The following FBXO25 variants were observed in gnomAD, a reference collection of about 807,000 sequenced individuals.
FBXO25 encodes F-box protein 25.
FBXO25 carries 45 observed loss-of-function variants against 51.9 expected under a neutral mutation model. The ratio of observed to expected loss-of-function variants is 0.87; its 90% confidence interval spans 0.68 to 1.11. The LOEUF (loss-of-function observed/expected upper bound fraction) is 1.11. Ranked by LOEUF, FBXO25 falls within the 50% of genes most tolerant of loss-of-function variation. The pLI is 0.00. For synonymous variants in FBXO25, 199 were observed against 151.0 expected, an observed-to-expected ratio of 1.32 and a Z score of -2.33; for missense variants, 507 against 428.5, an observed-to-expected ratio of 1.18 and a Z score of -1.62.
intron 5 of FBXO25, among the ~76,000 whole-genome samples, chr8:441,962 C>T (rs1331017954): frequency 6.6e-6 from 1 of 152,162 alleles, no homozygotes; most frequent in East Asian, 1.9e-4. Context: ...CCTCAAGGAT[C>T]TAGAACCAGA....
chr8:463,747 A>ACC (rs1782522914), intron 9 of FBXO25, among the ~76,000 whole-genome samples: 1 of 152,018 alleles, frequency 6.6e-6, no homozygotes, highest in Admixed American at 6.5e-5. Context: ...TCCTGTTCTC[A>ACC]CCATCCAGAC....
chr8:458,483 T>C lies in FBXO25; in HGVS notation c.775T>C (p.Leu259=). 1.2e-6 allele frequency: 2 copies of C among 1,614,116 alleles called. No homozygotes were observed. The highest frequency in any genetic ancestry group is 1.7e-6 in the Non-Finnish European group (2 of 1,180,004). The change falls in exon 8 of 10, where the codon TTG becomes CTG. Residue 259 remains leucine (L), a synonymous_variant. Coordinates refer to ENST00000350302, the MANE Select transcript of FBXO25 (RefSeq NM_183420.2). ...CACCTTAGGCCAGGTGACCCCCACG[T>C]TGTATATGCTTAGTGAAGACAGACA... ...IITLGQVTPT[L]YMLSEDRQLW...
chr8:432,676 G>A (rs1797884743), intron 3 of FBXO25, among the ~76,000 whole-genome samples: 1 of 152,102 alleles, frequency 6.6e-6, no homozygotes, highest in African/African-American at 2.4e-5. Context: ...AAGTTACTAG[G>A]ACTTGGTACT....
intron 2 of FBXO25, among the ~76,000 whole-genome samples, chr8:417,093 C>G (rs775228475): frequency 9.2e-5 from 14 of 152,198 alleles, no homozygotes; most frequent in Non-Finnish European, 1.6e-4. Context: ...CTGGCATATT[C>G]AGGGACAGCA....
chr8:424,098 C>G (rs147955049), intron 2 of FBXO25, among the ~76,000 whole-genome samples: 6,703 of 150,614 alleles, frequency 0.045, 197 homozygotes, highest in Middle Eastern at 0.082. Flanking sequence ...TTGAGAAGTG[C>G]CTGTTCATGT....
Position 472,752 on chromosome 8 carries a change from T to G in FBXO25, c.*3948T>G, listed in dbSNP as rs1477631312. The G allele has an allele frequency of 6.6e-6, 1 of 152,214 alleles. No individual in the cohort carries two copies. Among genetic ancestry groups the G allele is most frequent in the East Asian group, 1.9e-4 (1 of 5,200 alleles). The allele number at this position is 152,214 out of a possible 1,614,324, so 9.4% of individuals were successfully genotyped here. ...AGATGCCTTTTAATGGTTTTTCTTT[T>G]CATTGCGAAGGCCTAACTTAGTAGA... On this transcript the variant is annotated 3_prime_UTR_variant, in exon 10 of 10. Transcript: ENST00000350302.
chr8:422,067 G>C (rs1056747546), intron 2 of FBXO25, among the ~76,000 whole-genome samples: 2 of 152,192 alleles, frequency 1.3e-5, no homozygotes, highest in Non-Finnish European at 2.9e-5. Flanking sequence ...CATGATAATT[G>C]TTATAAGCAC....
At chr8:458,256 C>G (rs1238311278) in intron 7 of FBXO25, 113 bp from the exon 8 acceptor site, 1 of 1,214,982 alleles carries the variant, frequency 8.2e-7, no homozygotes. Context: ...ACATGGAGAG[C>G]TCTTTTTGTG....
chr8:438,825 G>T (rs547131815), intron 5 of FBXO25, among the ~76,000 whole-genome samples: 1 of 152,318 alleles, frequency 6.6e-6, no homozygotes, highest in East Asian at 1.9e-4. Flanking sequence ...AGCCTACCTG[G>T]CTGGGACCTT....
intron 5 of FBXO25, among the ~76,000 whole-genome samples, chr8:442,766 A>C (rs1195936148): frequency 6.6e-6 from 1 of 152,154 alleles, no homozygotes; most frequent in Non-Finnish European, 1.5e-5. Flanking sequence ...CACCCTGCCC[A>C]GCCTATTTCC....
chr8:427,151 A>G (rs1171389937), intron 2 of FBXO25, among the ~76,000 whole-genome samples: 3 of 151,964 alleles, frequency 2.0e-5, no homozygotes, highest in Admixed American at 2.0e-4. Flanking sequence ...TGATGAACAC[A>G]GTGTGACTTA....
intron 7 of FBXO25, among the ~76,000 whole-genome samples, chr8:457,413 C>A (rs1028580746): frequency 3.9e-5 from 6 of 152,194 alleles, no homozygotes; most frequent in Non-Finnish European, 8.8e-5. Context: ...GGACAGCCAC[C>A]CTTCCTCAGC....
intron 3 of FBXO25, among the ~76,000 whole-genome samples, chr8:432,237 G>T (rs1255958537): frequency 6.6e-6 from 1 of 152,194 alleles, no homozygotes; most frequent in Non-Finnish European, 1.5e-5. Flanking sequence ...GGGGCGGGTA[G>T]TGTAGGACTC....
intron 5 of FBXO25, among the ~76,000 whole-genome samples, chr8:447,463 C>T (rs1332002195): frequency 5.9e-5 from 9 of 152,092 alleles, no homozygotes; most frequent in African/African-American, 9.7e-5. Context: ...GCAGACAGTT[C>T]ATCATAAATG....
intron 5 of FBXO25, among the ~76,000 whole-genome samples, chr8:444,872 C>A (rs1798639913): frequency 6.6e-6 from 1 of 152,188 alleles, no homozygotes; most frequent in Non-Finnish European, 1.5e-5. Flanking sequence ...TTGTGTAATA[C>A]ACTCTGTGAT....
chr8:442,081 A>C (rs898222983), intron 5 of FBXO25, among the ~76,000 whole-genome samples: 1 of 152,178 alleles, frequency 6.6e-6, no homozygotes, highest in Non-Finnish European at 1.5e-5. Context: ...CATATTGCTA[A>C]TCAGGCTTTT....
intron 2 of FBXO25, among the ~76,000 whole-genome samples, chr8:415,881 T>C (rs1796768352): frequency 6.6e-6 from 1 of 152,224 alleles, no homozygotes; most frequent in Admixed American, 6.5e-5. Context: ...TTCCATCAGA[T>C]TTCAGTGTTA....
At chr8:448,690 A>T (rs189026320) in intron 5 of FBXO25, among the ~76,000 whole-genome samples, 196 of 152,256 alleles carry the variant, frequency 1.3e-3, no homozygotes, top group African/African-American at 4.5e-3. Context: ...GGCAGAGGAG[A>T]AAAGGTCGGT....
intron 5 of FBXO25, among the ~76,000 whole-genome samples, chr8:444,298 C>A (rs1214161703): frequency 1.3e-5 from 2 of 152,180 alleles, no homozygotes; most frequent in Non-Finnish European, 2.9e-5. Context: ...GTTTCTCTTT[C>A]TCTGCCCTTC....
Sources: allele counts gnomAD v4.1 joint callset (sites outside exome capture counted in the v4.1 genomes callset), GRCh38; gene constraint gnomAD v4.1.1; transcripts MANE v1.5; gene names NCBI Gene and HGNC (gene_info 2026-07-23, HGNC 2026-07-21).